The following TMEM244 variants were observed in gnomAD, a reference collection of about 807,000 sequenced individuals.
The protein encoded by TMEM244 is putative transmembrane protein 244.
Under a neutral mutation model 15.8 loss-of-function variants are expected in TMEM244, and 13 were observed. The observed-to-expected ratio is 0.82, with a 90% confidence interval of 0.53 to 1.30. The LOEUF is 1.30. TMEM244 is among the 50% of genes most tolerant of loss of function. The probability of loss-of-function intolerance (pLI) is 0.00; values close to 1 mark genes in which losing one functional copy is unlikely to be tolerated. For synonymous variants in TMEM244, 45 were observed against 48.7 expected, an observed-to-expected ratio of 0.92 and a Z score of 0.32; for missense variants, 161 against 144.9, an observed-to-expected ratio of 1.11 and a Z score of -0.57.
chr6:129,846,676 T>G (rs549886689), intron 1 of TMEM244, among the ~76,000 whole-genome samples: 1 of 152,320 alleles, frequency 6.6e-6, no homozygotes, highest in East Asian at 1.9e-4. Context: ...CCAATTATAA[T>G]AATAATGGCA....
intron 1 of TMEM244, among the ~76,000 whole-genome samples, chr6:129,852,707 C>T (rs1170118282): frequency 6.6e-6 from 1 of 152,156 alleles, no homozygotes; most frequent in Non-Finnish European, 1.5e-5. Flanking sequence ...CCATTAGCAG[C>T]AGGTTAACAG....
At chr6:129,841,016 C>T (rs925416063) in intron 3 of TMEM244, among the ~76,000 whole-genome samples, 7 of 152,142 alleles carry the variant, frequency 4.6e-5, no homozygotes, top group Non-Finnish European at 1.0e-4. Flanking sequence ...GACTGTGTGG[C>T]GATCCCTCAA....
chr6:129,851,217 T>C (rs1776634091), intron 1 of TMEM244, among the ~76,000 whole-genome samples: 1 of 152,190 alleles, frequency 6.6e-6, no homozygotes, highest in Admixed American at 6.5e-5. Flanking sequence ...AACCCTGTGC[T>C]GTCCTGCCTC....
At chr6:129,854,698 A>C (rs1275757423) in intron 1 of TMEM244, among the ~76,000 whole-genome samples, 1 of 152,138 alleles carries the variant, frequency 6.6e-6, no homozygotes, top group Non-Finnish European at 1.5e-5. Context: ...CCTGGTCAGA[A>C]AGTAAGCTTT....
intron 3 of TMEM244, among the ~76,000 whole-genome samples, chr6:129,837,181 T>G (rs903310856): frequency 6.6e-6 from 1 of 152,026 alleles, no homozygotes; most frequent in African/African-American, 2.4e-5. Flanking sequence ...AGAGAAAGGT[T>G]GGGTTACCCA....
At chr6:129,856,011 G>T (rs1246887344) in intron 1 of TMEM244, among the ~76,000 whole-genome samples, 1 of 152,008 alleles carries the variant, frequency 6.6e-6, no homozygotes, top group Non-Finnish European at 1.5e-5. Flanking sequence ...CATTTCAGTA[G>T]ATATTCTTCC....
chr6:129,859,024 A>G (rs1243396204), intron 1 of TMEM244, among the ~76,000 whole-genome samples: 1 of 152,130 alleles, frequency 6.6e-6, no homozygotes, highest in Non-Finnish European at 1.5e-5. Context: ...CGAACTCCTG[A>G]CCTAAAGTGA....
chr6:129,847,166 G>T (rs774282965), intron 1 of TMEM244, among the ~76,000 whole-genome samples: 8 of 152,022 alleles, frequency 5.3e-5, no homozygotes, highest in Non-Finnish European at 8.8e-5. Context: ...TTCACATGAA[G>T]AAACACCTAA....
chr6:129,853,395 C>T (rs1293639552), intron 1 of TMEM244, among the ~76,000 whole-genome samples: 3 of 152,150 alleles, frequency 2.0e-5, no homozygotes, highest in African/African-American at 7.2e-5. Flanking sequence ...CCCTAACACT[C>T]TCTTTCTCCG....
At chr6:129,854,399 T>A (rs1226072027) in intron 1 of TMEM244, among the ~76,000 whole-genome samples, 2 of 152,156 alleles carry the variant, frequency 1.3e-5, no homozygotes, top group Non-Finnish European at 2.9e-5. Context: ...CAGGAGATAA[T>A]TATCAAGTGT....
At chr6:129,860,495 T>C (rs2114650304) in intron 1 of TMEM244, among the ~76,000 whole-genome samples, 1 of 152,274 alleles carries the variant, frequency 6.6e-6, no homozygotes, top group South Asian at 2.1e-4. Context: ...AAAATGAATG[T>C]AGCACTCACT....
At chr6:129,850,269 G>A (rs866177761) in intron 1 of TMEM244, among the ~76,000 whole-genome samples, 8 of 152,132 alleles carry the variant, frequency 5.3e-5, no homozygotes, top group African/African-American at 1.7e-4. Context: ...GAAGTCAGAC[G>A]TGAAGGGAAA....
intron 1 of TMEM244, among the ~76,000 whole-genome samples, chr6:129,853,675 G>T (rs1181902173): frequency 6.6e-6 from 1 of 152,084 alleles, no homozygotes. Flanking sequence ...GTTTTAATAA[G>T]TTGAAATTAA....
chr6:129,849,481 T>G lies in TMEM244; in HGVS notation c.34-3629A>C, dbSNP rs74506781. On this transcript the variant is annotated intron_variant, in intron 1 of 4. Coordinates refer to ENST00000368143, the MANE Select transcript of TMEM244 (RefSeq NM_001010876.2). ...CATTATCAGGATTTATTCCTCCATT[T>G]TTTTCATTTGACAGATAGTTACTGG... 4.8e-3 allele frequency among the ~76,000 whole-genome samples: 727 copies of G among 152,236 alleles called. 8 individuals carry two copies. Among genetic ancestry groups the G allele is most frequent in the African/African-American group, 0.017 (700 of 41,544 alleles).
In TMEM244 at chr6:129,846,760, A is replaced by C. The variant is rs1382466847; in HGVS notation, c.34-908T>G. Among the ~76,000 whole-genome samples, 5 of 152,168 alleles carry C rather than the reference A, an allele frequency of 3.3e-5. No homozygotes were observed. In the East Asian group the frequency reaches 7.7e-4, roughly 23 times the overall value. On this transcript the variant is annotated intron_variant, in intron 1 of 4. Coordinates refer to ENST00000368143, the MANE Select transcript of TMEM244 (RefSeq NM_001010876.2). ...AAATTCCAAATAATATTAACAAAAAACCCACATAATAGCACAATAATTAAA... is the reference window on the plus strand; with the variant it reads ...AAATTCCAAATAATATTAACAAAAACCCCACATAATAGCACAATAATTAAA...
chr6:129,839,217 A>C (rs535281157), intron 3 of TMEM244, among the ~76,000 whole-genome samples: 1 of 152,282 alleles, frequency 6.6e-6, no homozygotes, highest in South Asian at 2.1e-4. Context: ...GCACATAAAA[A>C]AGTTTATCCA....
At chr6:129,840,139 A>G (rs1345800311) in intron 3 of TMEM244, among the ~76,000 whole-genome samples, 1 of 152,242 alleles carries the variant, frequency 6.6e-6, no homozygotes, top group African/African-American at 2.4e-5. Flanking sequence ...CTAAGCAAAA[A>G]GAACAAAGCT....
At chr6:129,833,305 G>A (rs573953753) in intron 4 of TMEM244, among the ~76,000 whole-genome samples, 155 bp downstream of exon 4, 329 of 152,202 alleles carry the variant, frequency 2.2e-3, no homozygotes, top group Non-Finnish European at 3.5e-3. Flanking sequence ...AAAAAATTTG[G>A]CTGGAAAGAG....
chr6:129,855,214 A>G (rs892836182), intron 1 of TMEM244, among the ~76,000 whole-genome samples: 13 of 152,300 alleles, frequency 8.5e-5, no homozygotes, highest in Middle Eastern at 3.4e-3. Context: ...CACTAACAAT[A>G]AAGAAACACA....
Sources: gnomAD v4.1 joint callset for allele counts (sites outside exome capture counted in the v4.1 genomes callset) on GRCh38, gnomAD v4.1.1 for gene constraint, MANE v1.5 for transcripts, NCBI Gene and HGNC (gene_info 2026-07-23, HGNC 2026-07-21) for gene names.